The following GTF3C4 variants were observed in gnomAD, a reference collection of about 807,000 sequenced individuals.
The protein encoded by GTF3C4 is general transcription factor 3C polypeptide 4.
Under a neutral mutation model 67.5 loss-of-function variants are expected in GTF3C4, and 28 were observed. The ratio of observed to expected loss-of-function variants is 0.41; its 90% CI spans 0.31 to 0.57. The LOEUF is 0.57. Ranked by LOEUF, GTF3C4 falls within the 20% of genes least tolerant of loss-of-function variation. The pLI is 0.21. For missense variants in GTF3C4, 831 were observed against 1,033.2 expected (o/e 0.80, Z 2.68); for synonymous variants, 409 against 393.0 (o/e 1.04, Z -0.48).
At chr9:132,676,052 C>T (rs759575069) in intron 1 of GTF3C4, among the ~76,000 whole-genome samples, 1 of 151,830 alleles carries the variant, frequency 6.6e-6, no homozygotes, top group East Asian at 1.9e-4. Context: ...GCACCCACCA[C>T]CATGCCCGGC....
At chr9:132,675,212 A>G (rs1030544685) in intron 1 of GTF3C4, among the ~76,000 whole-genome samples, 5 of 152,198 alleles carry the variant, frequency 3.3e-5, no homozygotes, top group Non-Finnish European at 5.9e-5. Context: ...TTGCGCACAC[A>G]GAGCTGGTAT....
At position 132,678,090 on chromosome 9, in the gene GTF3C4, T is replaced by C. The variant is rs1835888651; in HGVS notation, c.471T>C (p.Ala157=). 6 of 1,614,192 alleles carry C rather than the reference T, an allele frequency of 3.7e-6. No individual in the cohort carries two copies. The highest frequency in any genetic ancestry group is 5.1e-6 in the Non-Finnish European group (6 of 1,180,030). Residue 157 remains alanine, a synonymous_variant, in exon 2 of 5, where the codon GCT becomes GCC. Transcript: ENST00000372146. The surrounding 1 kb of genome is among the most constrained non-coding windows in gnomAD (Gnocchi z 6.5). ...GGGTGTTCAACCCTGAGGGGAAGGC[T>C]TTACCACCAATGAGAGGATTCAAGT... ...LDRVFNPEGK[A]LPPMRGFKYT...
chr9:132,679,331 C>T lies in GTF3C4; in HGVS notation c.1712C>T (p.Thr571Ile). ...LEKKIESSGVTYFWRFKLFLL... is the reference protein window; with the variant it reads ...LEKKIESSGVIYFWRFKLFLL... ...AAAAAGATTGAAAGCAGTGGAGTCA[C>T]CTATTTTTGGCGTTTTAAGCTTTTC... The change falls in exon 2 of 5, where the codon ACC becomes ATC. Residue 571 changes from threonine (T) to isoleucine (I), a missense_variant. Thr to Ile is a moderately conservative substitution (Grantham distance 89). Around this residue, in one of 4 missense-constraint regions of GTF3C4, gnomAD observed 390 missense variants for 540.3 expected, o/e 0.72. Transcript: ENST00000372146. This position sits in a 1 kb window ranked among gnomAD's most constrained non-coding sequence, Gnocchi z 5.9. The T allele has an allele frequency of 6.2e-7, 1 of 1,614,132 alleles. No homozygotes were observed. The highest frequency in any genetic ancestry group is 8.5e-7 in the Non-Finnish European group (1 of 1,180,034).
Position 132,691,558 on chromosome 9 carries a change from T to G in GTF3C4, c.*2613T>G, listed in dbSNP as rs1836115910. 6.6e-6 allele frequency: 1 copy of G among 152,208 alleles called. No individual in the cohort carries two copies. Among genetic ancestry groups the G allele is most frequent in the Non-Finnish European group, 1.5e-5 (1 of 68,044 alleles). 9.4% of individuals were successfully genotyped at this position (152,208 alleles called of 1,614,324 possible). A position where few individuals can be genotyped will look rare whatever the true frequency, so the allele number is the denominator to read the frequency against. ...CCTTTAAGCTACAACGTGGTTGCAT[T>G]TGGGGAGTCTGATACCCACATAGGT... On this transcript the variant is annotated 3_prime_UTR_variant, in exon 5 of 5. Transcript: ENST00000372146.
chr9:132,688,794 GTCTCTCAACGCTAC>G, intron 4 of GTF3C4, 73 bp from the exon 5 acceptor site: 1 of 942,368 alleles, frequency 1.1e-6, no homozygotes, highest in South Asian at 1.3e-5. Flanking sequence ...CAGAATGCCC[GTCTCTCAACGCTAC>G]AGTCCGGTAT....
At chr9:132,671,342 G>T (rs1835752221) in intron 1 of GTF3C4, among the ~76,000 whole-genome samples, 1 of 152,122 alleles carries the variant, frequency 6.6e-6, no homozygotes, top group African/African-American at 2.4e-5. Context: ...TGCTGCTATT[G>T]TTTGGGGCCG....
At position 132,670,645 on chromosome 9, in the gene GTF3C4, C is replaced by T. The variant is rs756998341; in HGVS notation, c.47C>T (p.Pro16Leu). The change falls in exon 1 of 5, where the codon CCT becomes CTT. Residue 16 changes from proline to leucine, a missense_variant. Physicochemically the swap from Pro to Leu is moderately conservative, Grantham distance 98. Around this residue, in one of 4 missense-constraint regions of GTF3C4, gnomAD observed 237 missense variants for 212.7 expected, o/e 1.11. Transcript: ENST00000372146. ...CGGGTGGGGCCCGCGGACGACGGGC[C>T]TGCGCCGTCTGGGGAGGAGGAGGGA... The part of the protein sequence containing the change: ...QARVGPADDG[P>L]APSGEEEGEG... The T allele has an allele frequency of 3.4e-6, 5 of 1,473,784 alleles. No individual in the cohort carries two copies. Among genetic ancestry groups the T allele is most frequent in the Non-Finnish European group, 3.6e-6 (4 of 1,123,380 alleles). The allele number at this position is 1,473,784 out of a possible 1,614,324, so 91.3% of individuals were successfully genotyped here.
rs932930460 is a variant in GTF3C4, at chr9:132,679,890, C to G, written c.2184+87C>G. ...TGACCTAAATTGAGTTCCTGAAGCT[C>G]AACTTTTGCTTTGACATTTTTTAGG... On this transcript the variant is annotated intron_variant, in intron 2 of 4. Coordinates refer to ENST00000372146, the MANE Select transcript of GTF3C4 (RefSeq NM_012204.4). The surrounding 1 kb of genome is among the most constrained non-coding windows in gnomAD (Gnocchi z 5.9). The G allele has an allele frequency of 1.9e-5, 25 of 1,284,452 alleles. No homozygotes were observed. The African/African-American group carries it at 3.4e-4, about 18-fold the overall frequency. The allele number at this position is 1,284,452 out of a possible 1,614,324, so 79.6% of individuals were successfully genotyped here. A position where few individuals can be genotyped will look rare whatever the true frequency, so the allele number is the denominator to read the frequency against.
intron 1 of GTF3C4, among the ~76,000 whole-genome samples, chr9:132,671,456 T>C (rs533025335): frequency 1.3e-5 from 2 of 152,220 alleles, no homozygotes; most frequent in Admixed American, 1.3e-4. Flanking sequence ...GTCTTAATTG[T>C]TTCAGTGACT....
chr9:132,682,865 A>T (rs895763938), intron 2 of GTF3C4, among the ~76,000 whole-genome samples: 1 of 152,076 alleles, frequency 6.6e-6, no homozygotes, highest in South Asian at 2.1e-4. Flanking sequence ...TGGCCTCCCA[A>T]AGTGCAGGGA....
chr9:132,679,115 A>G lies in GTF3C4; in HGVS notation c.1496A>G (p.Asn499Ser), dbSNP rs1444240476. ...LAIITTEGMINGLHPVNKNYQ... is the reference protein window; with the variant it reads ...LAIITTEGMISGLHPVNKNYQ... ...ATCATCACCACTGAGGGCATGATCAACGGCCTCCACCCTGTTAACAAAAAC... is the reference window on the plus strand; with the variant it reads ...ATCATCACCACTGAGGGCATGATCAGCGGCCTCCACCCTGTTAACAAAAAC... The change falls in exon 2 of 5, where the codon AAC (asparagine) becomes AGC (serine). Residue 499 changes from asparagine (N) to serine (S), a missense_variant. Coordinates refer to ENST00000372146, the MANE Select transcript of GTF3C4 (RefSeq NM_012204.4). This position sits in a 1 kb window ranked among gnomAD's most constrained non-coding sequence, Gnocchi z 5.9. 10 of 1,614,070 alleles carry G rather than the reference A, an allele frequency of 6.2e-6. No individual in the cohort carries two copies. Among genetic ancestry groups the G allele is most frequent in the East Asian group, 2.2e-5 (1 of 44,896 alleles).
chr9:132,679,286 T>G lies in GTF3C4; in HGVS notation c.1667T>G (p.Phe556Cys), dbSNP rs1436146810. The part of the protein sequence containing the change: ...KILKDKHIPQ[F>C]LQEALEKKIE... ...TTAAAAGATAAACATATCCCTCAATTTTTACAAGAAGCTTTGGAAAAAAAG... is the reference window on the plus strand; with the variant it reads ...TTAAAAGATAAACATATCCCTCAATGTTTACAAGAAGCTTTGGAAAAAAAG... Residue 556 changes from phenylalanine (F) to cysteine (C), a missense_variant, in exon 2 of 5, where the codon TTT becomes TGT. Physicochemically the swap from Phe to Cys is radical, Grantham distance 205. Transcript: ENST00000372146. The surrounding 1 kb of genome is among the most constrained non-coding windows in gnomAD (Gnocchi z 5.9). 1 of 1,613,886 alleles carries G rather than the reference T, an allele frequency of 6.2e-7. No homozygotes were observed. Among genetic ancestry groups the G allele is most frequent in the African/African-American group, 1.3e-5 (1 of 74,970 alleles).
Position 132,670,536 on chromosome 9 carries a change from C to G in GTF3C4, c.-63C>G, listed in dbSNP as rs907262396. ...GGGCGCTGGGGGTGGCGGCGGCGGT[C>G]CGGGAGGTGGTCGCGCGACTGCGTG... On this transcript the variant is annotated 5_prime_UTR_variant, in exon 1 of 5. Coordinates refer to ENST00000372146, the MANE Select transcript of GTF3C4 (RefSeq NM_012204.4). The G allele has an allele frequency of 4.8e-6, 6 of 1,254,930 alleles. No individual in the cohort carries two copies. Among genetic ancestry groups the G allele is most frequent in the East Asian group, 5.7e-5 (2 of 34,792 alleles). 77.7% of individuals were successfully genotyped at this position (1,254,930 alleles called of 1,614,324 possible).
chr9:132,686,292 C>T (rs1362788914), intron 3 of GTF3C4, among the ~76,000 whole-genome samples: 2 of 152,176 alleles, frequency 1.3e-5, no homozygotes, highest in Non-Finnish European at 2.9e-5. Context: ...TTTTTCTTGA[C>T]TAAAGTTAGG....
At chr9:132,671,936 A>G (rs761158992) in intron 1 of GTF3C4, among the ~76,000 whole-genome samples, 1 of 152,116 alleles carries the variant, frequency 6.6e-6, no homozygotes, top group Non-Finnish European at 1.5e-5. Context: ...GTGTTCGTAA[A>G]CTCTTATTTT....
rs1282983113 is a variant in GTF3C4 at position 132,690,727 on chromosome 9, A to G, written c.*1782A>G. On this transcript the variant is annotated 3_prime_UTR_variant, in exon 5 of 5. Coordinates refer to ENST00000372146, the MANE Select transcript of GTF3C4 (RefSeq NM_012204.4). ...CCAAGCAGCATTGAAATCATGAGTA[A>G]CAGAATTCAGAACATTGTATGGTGG... The G allele has an allele frequency of 6.6e-6, 1 of 152,206 alleles. No homozygotes were observed. The highest frequency in any genetic ancestry group is 1.5e-5 in the Non-Finnish European group (1 of 68,046). 9.4% of individuals were successfully genotyped at this position (152,206 alleles called of 1,614,324 possible).
At chr9:132,685,381 T>C (rs1272603649) in intron 3 of GTF3C4, among the ~76,000 whole-genome samples, 2 of 152,224 alleles carry the variant, frequency 1.3e-5, no homozygotes, top group Non-Finnish European at 2.9e-5. Flanking sequence ...GTTATCAAAA[T>C]GTATGTACAT....
Position 132,670,826 on chromosome 9 carries a change from C to T in GTF3C4, c.228C>T (p.His76=). ...GLEPLAWSED[H]RVSVSTARSI... is the part of the protein sequence containing the mutation. ...AACCGCTGGCTTGGTCCGAGGACCA[C>T]CGCGTGTCTGTGTCCACGGCCCGCA... The change falls in exon 1 of 5, where the codon CAC becomes CAT. Residue 76 remains histidine, a synonymous_variant. Transcript: ENST00000372146. The T allele has an allele frequency of 3.7e-6, 6 of 1,608,642 alleles. No individual in the cohort carries two copies. The highest frequency in any genetic ancestry group is 5.1e-6 in the Non-Finnish European group (6 of 1,179,278).
chr9:132,688,806 T>G (rs1347145768), intron 4 of GTF3C4, 75 bp from the exon 5 acceptor site: 2 of 1,074,048 alleles, frequency 1.9e-6, no homozygotes, highest in Non-Finnish European at 2.9e-6. Context: ...CTCTCAACGC[T>G]ACAGTCCGGT....
Sources: gnomAD v4.1 joint callset for allele counts (sites outside exome capture counted in the v4.1 genomes callset) on GRCh38, gnomAD v4.1.1 for gene constraint, gnomAD v4.1.1 regional missense constraint, Gnocchi (gnomAD v3.1) non-coding constraint, MANE v1.5 for transcripts, NCBI Gene and HGNC (gene_info 2026-07-23, HGNC 2026-07-21) for gene names.